The following HNF4A variants were observed in gnomAD, a reference collection of about 807,000 sequenced individuals.
HNF4A encodes hepatocyte nuclear factor 4 alpha, also known as hepatocyte nuclear factor 4-alpha.
A neutral mutation model predicts 52.4 loss-of-function variants in HNF4A; 15 were observed. That is an observed-to-expected ratio of 0.29 (90% CI 0.19 to 0.44). The LOEUF (loss-of-function observed/expected upper bound fraction) is 0.44. Ranked by LOEUF, HNF4A falls within the 20% of genes least tolerant of loss-of-function variation. The probability of loss-of-function intolerance (pLI) is 1.00; values close to 1 mark genes in which losing one functional copy is unlikely to be tolerated. For synonymous variants in HNF4A, 280 were observed against 264.4 expected (o/e 1.06, Z -0.57); for missense variants, 479 against 647.2 (o/e 0.74, Z 2.82).
intron 1 of HNF4A, among the ~76,000 whole-genome samples, chr20:44,356,133 G>A (rs566996724): frequency 6.6e-6 from 1 of 152,308 alleles, no homozygotes; most frequent in South Asian, 2.1e-4. Context: ...ATGCATCTCA[G>A]GGGTCTTTCC....
chr20:44,396,278 G>T (rs562484356), upstream of HNF4A, among the ~76,000 whole-genome samples: 1 of 152,298 alleles, frequency 6.6e-6, no homozygotes, highest in African/African-American at 2.4e-5. Flanking sequence ...CAGATAATAT[G>T]AGAAGGCTAG....
At chr20:44,412,631 AAC>A in intron 3 of HNF4A, among the ~76,000 whole-genome samples, 1 of 152,234 alleles carries the variant, frequency 6.6e-6, no homozygotes, top group Non-Finnish European at 1.5e-5. Context: ...CTCTGAGAGG[AAC>A]ACAGACTGCA....
At chr20:44,377,895 G>T (rs541050073) in intron 1 of HNF4A, 22 of 152,032 alleles carry the variant, frequency 1.4e-4, no homozygotes, top group African/African-American at 4.6e-4. Context: ...CTGTGGATGA[G>T]AGTTTCTCTA....
intron 1 of HNF4A, among the ~76,000 whole-genome samples, chr20:44,365,801 G>A (rs959989678): frequency 6.6e-5 from 10 of 152,270 alleles, no homozygotes; most frequent in African/African-American, 9.6e-5. Context: ...GACCCCAGGA[G>A]TTCAAGACCA....
rs143409165 is a variant in HNF4A at position 44,414,478 on chromosome 20, C to T, written c.493-29C>T. The T allele has an allele frequency of 7.9e-4, 1,274 of 1,614,064 alleles. 20 individuals are homozygous for T. The South Asian group carries it at 0.012, about 15-fold the overall frequency. ...GAGTGCGGGAGGGCCCGGACATCTCCAGCATTTTCTTCCCTGTATCTCTCG... is the reference window on the plus strand; with the variant it reads ...GAGTGCGGGAGGGCCCGGACATCTCTAGCATTTTCTTCCCTGTATCTCTCG... On this transcript the variant is annotated intron_variant, in intron 4 of 9. Transcript: ENST00000316099.
At chr20:44,400,754 G>A (rs890320895), upstream of HNF4A, among the ~76,000 whole-genome samples, 6 of 152,174 alleles carry the variant, frequency 3.9e-5, no homozygotes, top group African/African-American at 1.4e-4. Flanking sequence ...AAACTGCGGG[G>A]GAACTGGAAG....
intron 1 of HNF4A, among the ~76,000 whole-genome samples, chr20:44,393,624 T>C (rs2063326063): frequency 6.6e-6 from 1 of 152,118 alleles, no homozygotes; most frequent in Admixed American, 6.6e-5. Flanking sequence ...GGTGAAAACA[T>C]TGCCTACCTC....
At chr20:44,378,559 C>T (rs545888629) in intron 1 of HNF4A, among the ~76,000 whole-genome samples, 8 of 152,174 alleles carry the variant, frequency 5.3e-5, no homozygotes, top group Middle Eastern at 3.4e-3. Flanking sequence ...TGAGCCACCA[C>T]GCCCAGCCGA....
At chr20:44,371,517 T>C (rs1463405063) in intron 1 of HNF4A, among the ~76,000 whole-genome samples, 1 of 152,070 alleles carries the variant, frequency 6.6e-6, no homozygotes, top group African/African-American at 2.4e-5. Flanking sequence ...CAAGATTCTG[T>C]CTCTACAAAA....
At chr20:44,400,967 A>G (rs541091876), upstream of HNF4A, among the ~76,000 whole-genome samples, 50 of 152,046 alleles carry the variant, frequency 3.3e-4, no homozygotes, top group Non-Finnish European at 6.5e-4. Context: ...ACTTGGGGTG[A>G]CAATGGCTTG....
At chr20:44,399,811 CTCA>C (rs1436766609), upstream of HNF4A, among the ~76,000 whole-genome samples, 1 of 152,194 alleles carries the variant, frequency 6.6e-6, no homozygotes, top group Admixed American at 6.5e-5. Context: ...AATTCACCCA[CTCA>C]TCAATTCCCC....
chr20:44,389,946 T>G (rs2063281609), intron 1 of HNF4A: 1 of 152,382 alleles, frequency 6.6e-6, no homozygotes, highest in African/African-American at 2.4e-5. Flanking sequence ...AAATGTGCAG[T>G]GTGGGCGTGG....
chr20:44,383,019 A>C (rs1016842733), intron 1 of HNF4A, among the ~76,000 whole-genome samples: 1 of 152,256 alleles, frequency 6.6e-6, no homozygotes, highest in African/African-American at 2.4e-5. Context: ...ATATAGAAAA[A>C]TTAGCCAGGG....
At position 44,432,262 on chromosome 20, in the gene HNF4A, CTT is replaced by C. The variant is rs1216936026; in HGVS notation, c.*2599_*2600del. Reference sequence around the variant, plus strand: ...GGAGAAACCCATTCCACCTTAATAACTTTATTGTAATGTGAGAAACACAAAAC... The same window carrying C: ...GGAGAAACCCATTCCACCTTAATAACTATTGTAATGTGAGAAACACAAAAC... On this transcript the variant is annotated 3_prime_UTR_variant, in exon 10 of 10. Coordinates refer to ENST00000316099, the MANE Select transcript of HNF4A (RefSeq NM_000457.6). The C allele has an allele frequency of 1.3e-5, 2 of 149,988 alleles. No homozygotes were observed. The highest frequency in any genetic ancestry group is 6.7e-5 in the Admixed American group (1 of 15,008). The allele number at this position is 149,988 out of a possible 1,614,324, so 9.3% of individuals were successfully genotyped here. A position where few individuals can be genotyped will look rare whatever the true frequency, so the allele number is the denominator to read the frequency against.
upstream of HNF4A, among the ~76,000 whole-genome samples, chr20:44,400,752 G>A (rs762533695): frequency 1.1e-4 from 17 of 152,292 alleles, no homozygotes; most frequent in Middle Eastern, 6.8e-3. Flanking sequence ...GGAAACTGCG[G>A]GGGAACTGGA....
chr20:44,395,142 C>A (rs1203261684), intron 1 of HNF4A, among the ~76,000 whole-genome samples: 1 of 152,220 alleles, frequency 6.6e-6, no homozygotes, highest in African/African-American at 2.4e-5. Flanking sequence ...GTAGAAAGTG[C>A]TCGTTGTTAA....
At chr20:44,418,347 T>A in intron 5 of HNF4A, 78 bp from the exon 6 acceptor site, 1 of 1,142,322 alleles carries the variant, frequency 8.8e-7, no homozygotes, top group Non-Finnish European at 1.3e-6. Context: ...TAAGCTGACT[T>A]GCCCAGCGTC....
intron 1 of HNF4A, among the ~76,000 whole-genome samples, chr20:44,386,381 G>A (rs2063224521): frequency 6.6e-6 from 1 of 151,826 alleles, no homozygotes; most frequent in Non-Finnish European, 1.5e-5. Context: ...TTGGCAGGCT[G>A]GTCTCGAACT....
intron 7 of HNF4A, among the ~76,000 whole-genome samples, chr20:44,421,097 T>A (rs1298418489): frequency 2.6e-5 from 4 of 152,214 alleles, no homozygotes; most frequent in African/African-American, 4.8e-5. Context: ...TTTCCCAATA[T>A]ATTTTTATTG....
Sources: allele counts gnomAD v4.1 joint callset (sites outside exome capture counted in the v4.1 genomes callset), GRCh38; gene constraint gnomAD v4.1.1; transcripts MANE v1.5; gene names NCBI Gene and HGNC (gene_info 2026-07-23, HGNC 2026-07-21).